ZCWPW2: variants seen among roughly 807,000 people sequenced by gnomAD.
ZCWPW2 encodes the protein zinc finger CW-type and PWWP domain containing 2, also known as zinc finger CW-type PWWP domain protein 2.
A neutral mutation model predicts 46.6 loss-of-function variants in ZCWPW2; 45 were observed. The observed-to-expected ratio is 0.96, with a 90% CI of 0.76 to 1.24. The LOEUF is 1.24. ZCWPW2 is among the 50% of genes most tolerant of loss of function. The pLI, the probability that ZCWPW2 is intolerant of heterozygous loss-of-function variation, is 0.00. For missense variants in ZCWPW2, 429 were observed against 403.9 expected, an observed-to-expected ratio of 1.06 and a Z score of -0.53; for synonymous variants, 152 against 137.1, an observed-to-expected ratio of 1.11 and a Z score of -0.76.
At chr3:28,355,127 C>T (rs1004452732) in intron 1 of ZCWPW2, among the ~76,000 whole-genome samples, 93 of 152,196 alleles carry the variant, frequency 6.1e-4, no homozygotes, top group Non-Finnish European at 1.1e-3. Flanking sequence ...CCAAAATCTC[C>T]TTAAGCTGAT....
rs776011320 is a variant in ZCWPW2, at chr3:28,478,951, T to G, written c.610+20T>G. 6.9e-7 allele frequency: 1 copy of G among 1,458,586 alleles called. No homozygotes were observed. The highest frequency in any genetic ancestry group is 9.3e-7 in the Non-Finnish European group (1 of 1,072,520). 90.4% of individuals were successfully genotyped at this position (1,458,586 alleles called of 1,614,324 possible). A position where few individuals can be genotyped will look rare whatever the true frequency, so the allele number is the denominator to read the frequency against. On this transcript the variant is annotated intron_variant, in intron 5 of 9. Coordinates refer to ENST00000383768, the MANE Select transcript of ZCWPW2 (RefSeq NM_001040432.4). ...TACAAGGTGTATAAATATTTTTTCT[T>G]TATTACTCTGAAATAAGGATTTATT... is the stretch of plus-strand genomic sequence containing the variant.
intron 1 of ZCWPW2, among the ~76,000 whole-genome samples, chr3:28,385,555 A>G (rs947405106): frequency 2.0e-5 from 3 of 152,226 alleles, no homozygotes; most frequent in African/African-American, 7.2e-5. Context: ...AGATAAGAGT[A>G]GGATTGACCA....
chr3:28,427,452 C>T (rs939104563), intron 3 of ZCWPW2, among the ~76,000 whole-genome samples: 1 of 152,170 alleles, frequency 6.6e-6, no homozygotes, highest in Non-Finnish European at 1.5e-5. Flanking sequence ...GATGTACAGA[C>T]TGAGTCAGAG....
At position 28,482,306 on chromosome 3, in the gene ZCWPW2, C is replaced by T. The variant is rs141337679; in HGVS notation, c.610+3375C>T. Reference sequence around the variant, plus strand: ...TAGTAATATGCATTTAAGTTTCTTCCGTGTATTTGCATGGCTTGATAGATC... The same window carrying T: ...TAGTAATATGCATTTAAGTTTCTTCTGTGTATTTGCATGGCTTGATAGATC... On this transcript the variant is annotated intron_variant, in intron 5 of 9. Coordinates refer to ENST00000383768, the MANE Select transcript of ZCWPW2 (RefSeq NM_001040432.4). 2.3e-3 allele frequency among the ~76,000 whole-genome samples: 348 copies of T among 152,110 alleles called. 1 individual carries two copies. The highest frequency in any genetic ancestry group is 7.8e-3 in the African/African-American group (323 of 41,486).
chr3:28,384,597 T>G (rs1051317567), intron 1 of ZCWPW2, among the ~76,000 whole-genome samples: 1 of 151,796 alleles, frequency 6.6e-6, no homozygotes, highest in Non-Finnish European at 1.5e-5. Context: ...CACATTCAAG[T>G]TGACCAATCT....
chr3:28,487,170 C>T (rs1199153287), intron 5 of ZCWPW2, among the ~76,000 whole-genome samples: 1 of 151,966 alleles, frequency 6.6e-6, no homozygotes, highest in Non-Finnish European at 1.5e-5. Flanking sequence ...GGGAAATTAT[C>T]AGTTATTATT....
In ZCWPW2 at chr3:28,465,830, G is replaced by A. The variant is rs561204426; in HGVS notation, c.493-12984G>A. Among the ~76,000 whole-genome samples, 11 of 152,200 alleles carry A rather than the reference G, an allele frequency of 7.2e-5. No individual in the cohort carries two copies. The East Asian group carries it at 1.9e-3, about 27-fold the overall frequency. ...ACGATTAAAAGCATAAGAAAATTCA[G>A]TAGTGTGTCAGGTCATAGTCTTTCT... On this transcript the variant is annotated intron_variant, in intron 4 of 9. Transcript: ENST00000383768.
chr3:28,386,109 A>T (rs1695263979), intron 1 of ZCWPW2, among the ~76,000 whole-genome samples: 3 of 152,038 alleles, frequency 2.0e-5, no homozygotes, highest in Admixed American at 2.0e-4. Context: ...AAATGTTGAA[A>T]CTCTGACCTC....
At position 28,507,365 on chromosome 3, in the gene ZCWPW2, A is replaced by G. The variant is rs1700304428; in HGVS notation, c.658-6699A>G. ...ATCTTTTAATCTTATTTCCTCCTGT[A>G]GTAAACCTTTTTACTTTATATTCAA... On this transcript the variant is annotated intron_variant, in intron 6 of 9. Transcript: ENST00000383768. 2.0e-5 allele frequency among the ~76,000 whole-genome samples: 3 copies of G among 152,312 alleles called. No homozygotes were observed. The South Asian group carries it at 6.2e-4, about 32-fold the overall frequency.
intron 3 of ZCWPW2, among the ~76,000 whole-genome samples, chr3:28,422,495 T>G (rs958753906): frequency 2.0e-4 from 31 of 152,196 alleles, no homozygotes; most frequent in African/African-American, 7.5e-4. Context: ...TCAGACTATC[T>G]TTTATTTAGT....
chr3:28,518,111 G>A (rs1255508860), intron 8 of ZCWPW2, among the ~76,000 whole-genome samples: 1 of 130,450 alleles, frequency 7.7e-6, no homozygotes, highest in Non-Finnish European at 1.6e-5. Context: ...ACTCCAGCCT[G>A]AGTGACAGAG....
intron 5 of ZCWPW2, among the ~76,000 whole-genome samples, chr3:28,480,489 C>G (rs568259278): frequency 6.6e-6 from 1 of 151,930 alleles, no homozygotes. Context: ...GATATTAGAC[C>G]TTTGTCAGAT....
intron 4 of ZCWPW2, among the ~76,000 whole-genome samples, chr3:28,448,615 C>A (rs1442910693): frequency 6.0e-5 from 9 of 150,994 alleles, no homozygotes; most frequent in Non-Finnish European, 5.9e-5. Flanking sequence ...AAAAACCCCA[C>A]CTCTACTAAA....
chr3:28,511,097 G>T (rs778348228), intron 6 of ZCWPW2: 1 of 455,664 alleles, frequency 2.2e-6, no homozygotes, highest in South Asian at 1.6e-5. Context: ...AAGTGAAAAG[G>T]ATCAACACTG....
At position 28,520,991 on chromosome 3, in the gene ZCWPW2, G is replaced by T; in HGVS notation, c.785-1G>T. The stretch of plus-strand genomic sequence containing the variant: ...TTACTGTATTAATCCTGTTTTTTTA[G>T]TTGTCTGTGAGACGGAAGTTTTACT... On this transcript the variant is annotated splice_acceptor_variant, in intron 8 of 9. Coordinates refer to ENST00000383768, the MANE Select transcript of ZCWPW2 (RefSeq NM_001040432.4). LOFTEE classifies it high-confidence loss of function. 1 of 1,612,692 alleles carries T rather than the reference G, an allele frequency of 6.2e-7. No individual in the cohort carries two copies. Among genetic ancestry groups the T allele is most frequent in the Non-Finnish European group, 8.5e-7 (1 of 1,179,418 alleles).
chr3:28,513,454 T>C (rs1253235728), intron 6 of ZCWPW2, among the ~76,000 whole-genome samples: 1 of 152,182 alleles, frequency 6.6e-6, no homozygotes, highest in Admixed American at 6.6e-5. Context: ...GCGTACTACC[T>C]TATTGCTTTT....
chr3:28,473,198 G>A (rs1000907055), intron 4 of ZCWPW2, among the ~76,000 whole-genome samples: 2 of 152,132 alleles, frequency 1.3e-5, no homozygotes, highest in Admixed American at 6.5e-5. Context: ...AAAGTAGGCT[G>A]GGTGCAGTGG....
chr3:28,416,961 A>C (rs1322656433), intron 3 of ZCWPW2, among the ~76,000 whole-genome samples: 5 of 146,856 alleles, frequency 3.4e-5, no homozygotes, highest in African/African-American at 1.3e-4. Context: ...CATCAAGGAT[A>C]TTGGTCTAAA....
Position 28,435,155 on chromosome 3 carries a change from A to G in ZCWPW2, c.378A>G (p.Val126=). 1 of 1,613,272 alleles carries G rather than the reference A, an allele frequency of 6.2e-7. No individual in the cohort carries two copies. Among genetic ancestry groups the G allele is most frequent in the Non-Finnish European group, 8.5e-7 (1 of 1,179,854 alleles). ...CTGACCGTTTTAAAGGGAAATATGTAACTTATGACCCGGATGGAAATGTTG... is the reference window on the plus strand; with the variant it reads ...CTGACCGTTTTAAAGGGAAATATGTGACTTATGACCCGGATGGAAATGTTG... ...LCPDRFKGKY[V]TYDPDGNVEE... is the part of the protein sequence containing the mutation. Residue 126 remains valine (V), a synonymous_variant, in exon 4 of 10, where the codon GTA becomes GTG. Transcript: ENST00000383768.
Sources: gnomAD v4.1 joint callset for allele counts (sites outside exome capture counted in the v4.1 genomes callset) on GRCh38, gnomAD v4.1.1 for gene constraint, MANE v1.5 for transcripts, NCBI Gene and HGNC (gene_info 2026-07-23, HGNC 2026-07-21) for gene names.